DCC: variants seen among roughly 807,000 people sequenced by gnomAD.
DCC encodes the protein DCC netrin 1 receptor.
Under a neutral mutation model 172.5 loss-of-function variants are expected in DCC, and 58 were observed. The ratio of observed to expected loss-of-function variants is 0.34; its 90% CI spans 0.27 to 0.42. The LOEUF (loss-of-function observed/expected upper bound fraction) is 0.42, where lower values mean the gene tolerates loss of function less well. Ranked by LOEUF, DCC falls within the 10% of genes least tolerant of loss-of-function variation. DCC has a pLI of 1.00. For synonymous variants in DCC, 709 were observed against 644.5 expected (o/e 1.10, Z -1.52); for missense variants, 1,740 against 1,791.0 (o/e 0.97, Z 0.51).
chr18:52,752,243 A>C lies in DCC; in HGVS notation c.281A>C (p.Asn94Thr). ...GATGAAAGGAAGCAGCAACTTTCAA[A>C]TGGGTCTCTGCTGATACAAAACATA... The part of the protein sequence containing the change: ...GMDERKQQLS[N>T]GSLLIQNILH... The change falls in exon 2 of 29, where the codon AAT becomes ACT. Residue 94 changes from asparagine to threonine, a missense_variant. By Grantham distance (65) the Asn-to-Thr change is moderately conservative (BLOSUM62 0). Around this residue, in one of 2 missense-constraint regions of DCC, gnomAD observed 1,732 missense variants for 1,767.4 expected, o/e 0.98. Transcript: ENST00000442544. 6.2e-7 allele frequency: 1 copy of C among 1,614,164 alleles called. No individual in the cohort carries two copies. The highest frequency in any genetic ancestry group is 8.5e-7 in the Non-Finnish European group (1 of 1,180,028).
chr18:52,883,353 TGTGTG>T (rs1568166716), intron 2 of DCC, among the ~76,000 whole-genome samples: 1 of 30,156 alleles, frequency 3.3e-5, no homozygotes, highest in East Asian at 7.7e-4. Context: ...TTTATTTATG[TGTGTG>T]TGTGTGTGTG....
intron 5 of DCC, among the ~76,000 whole-genome samples, chr18:53,008,764 C>A (rs1224357231): frequency 6.6e-6 from 1 of 151,968 alleles, no homozygotes; most frequent in East Asian, 1.9e-4. Flanking sequence ...ATTCTCAATA[C>A]ATGCTTTATC....
intron 5 of DCC, among the ~76,000 whole-genome samples, chr18:53,058,089 G>A (rs573871271): frequency 6.6e-6 from 1 of 152,146 alleles, no homozygotes; most frequent in South Asian, 2.1e-4. Flanking sequence ...GAAATCCATG[G>A]CCAGAAATGT....
intron 1 of DCC, among the ~76,000 whole-genome samples, chr18:52,367,142 C>G (rs529594030): frequency 5.2e-4 from 79 of 152,358 alleles, no homozygotes; most frequent in Middle Eastern, 6.8e-3. Flanking sequence ...CAGCCACTGG[C>G]CCGTGTGCTA....
At chr18:52,663,038 C>T (rs4387680) in intron 1 of DCC, among the ~76,000 whole-genome samples, 24,543 of 151,984 alleles carry the variant, frequency 0.16, 2,151 homozygotes, top group Admixed American at 0.26. Flanking sequence ...CATTCCCATA[C>T]AAAAAATAAA....
At chr18:52,779,308 G>A (rs898839261) in intron 2 of DCC, among the ~76,000 whole-genome samples, 1 of 151,922 alleles carries the variant, frequency 6.6e-6, no homozygotes, top group South Asian at 2.1e-4. Context: ...TCCCCAAGTG[G>A]CGCATACCCC....
At chr18:52,759,889 G>A (rs934890893) in intron 2 of DCC, among the ~76,000 whole-genome samples, 5 of 152,172 alleles carry the variant, frequency 3.3e-5, no homozygotes, top group Non-Finnish European at 5.9e-5. Context: ...CCTAGGGAAA[G>A]CTTTATATTT....
At position 52,566,176 on chromosome 18, in the gene DCC, T is replaced by C. The variant is rs573764185; in HGVS notation, c.92-185878T>C. Reference sequence around the variant, plus strand: ...TGGGTGGCATTGCACCATGGAATACTATGCAGCCGTAAAAAAAGATGAGTC... The same window carrying C: ...TGGGTGGCATTGCACCATGGAATACCATGCAGCCGTAAAAAAAGATGAGTC... On this transcript the variant is annotated intron_variant, in intron 1 of 28. Transcript: ENST00000442544. Among the ~76,000 whole-genome samples, 3 of 152,264 alleles carry C rather than the reference T, an allele frequency of 2.0e-5. No homozygotes were observed. In the South Asian group the frequency reaches 6.2e-4, roughly 32 times the overall value.
intron 15 of DCC, among the ~76,000 whole-genome samples, chr18:53,355,402 A>G (rs567649011): frequency 1.1e-4 from 17 of 152,260 alleles, no homozygotes; most frequent in East Asian, 7.7e-4. Flanking sequence ...CTTCCTATCC[A>G]TGAGCATGGA....
At chr18:52,380,399 C>A (rs1985534071) in intron 1 of DCC, among the ~76,000 whole-genome samples, 1 of 151,946 alleles carries the variant, frequency 6.6e-6, no homozygotes, top group Non-Finnish European at 1.5e-5. Flanking sequence ...CCAGTTGAAC[C>A]AAGTGTCTCT....
At chr18:53,524,337 C>T (rs1431910273) in intron 27 of DCC, among the ~76,000 whole-genome samples, 4 of 151,196 alleles carry the variant, frequency 2.6e-5, no homozygotes, top group Non-Finnish European at 5.9e-5. Flanking sequence ...GAAAACTGGG[C>T]GTGAATGACA....
intron 27 of DCC, among the ~76,000 whole-genome samples, chr18:53,505,662 A>C (rs903899541): frequency 3.3e-5 from 5 of 152,240 alleles, no homozygotes; most frequent in African/African-American, 1.2e-4. Flanking sequence ...CATCCAGATA[A>C]TCGTAAGAGA....
chr18:53,319,211 G>C (rs1436503870), intron 13 of DCC, among the ~76,000 whole-genome samples: 1 of 152,018 alleles, frequency 6.6e-6, no homozygotes, highest in African/African-American at 2.4e-5. Flanking sequence ...CAACTAATGG[G>C]CAAAATAACC....
At chr18:53,119,464 A>T (rs758935924) in intron 7 of DCC, among the ~76,000 whole-genome samples, 1 of 151,838 alleles carries the variant, frequency 6.6e-6, no homozygotes, top group South Asian at 2.1e-4. Flanking sequence ...TCTACTTAGG[A>T]AAACTAGAGA....
At chr18:52,672,689 C>G (rs1011650875) in intron 1 of DCC, among the ~76,000 whole-genome samples, 1 of 124,094 alleles carries the variant, frequency 8.1e-6, no homozygotes, top group African/African-American at 3.0e-5. Flanking sequence ...CTCCTTCCTT[C>G]TTCCCTTGCA....
intron 5 of DCC, among the ~76,000 whole-genome samples, chr18:52,930,124 T>A (rs1390247112): frequency 1.3e-5 from 2 of 152,052 alleles, no homozygotes; most frequent in African/African-American, 2.4e-5. Flanking sequence ...TTTCTTTTTC[T>A]TTTCTTTTTT....
chr18:53,242,251 T>C (rs2056306235), intron 12 of DCC, among the ~76,000 whole-genome samples: 1 of 152,134 alleles, frequency 6.6e-6, no homozygotes, highest in Non-Finnish European at 1.5e-5. Flanking sequence ...GGAGAGCTAA[T>C]TGGCTAGTGT....
intron 8 of DCC, among the ~76,000 whole-genome samples, chr18:53,175,482 C>G (rs1361382742): frequency 6.6e-6 from 1 of 151,620 alleles, no homozygotes; most frequent in Non-Finnish European, 1.5e-5. Context: ...AGCAAAGTCT[C>G]AGCATACAAA....
intron 15 of DCC, among the ~76,000 whole-genome samples, chr18:53,366,650 T>A (rs903200121): frequency 6.6e-6 from 1 of 152,202 alleles, no homozygotes; most frequent in South Asian, 2.1e-4. Flanking sequence ...TCTCTTTTGA[T>A]TTCCTCCAAA....
Sources: gnomAD v4.1 joint callset for allele counts (sites outside exome capture counted in the v4.1 genomes callset) on GRCh38, gnomAD v4.1.1 for gene constraint, gnomAD v4.1.1 regional missense constraint, MANE v1.5 for transcripts, NCBI Gene and HGNC (gene_info 2026-07-23, HGNC 2026-07-21) for gene names.